Variants in PDE4D observed in about 807,000 individuals in gnomAD.
The protein encoded by PDE4D is phosphodiesterase 4D.
In PDE4D, 24 loss-of-function variants were observed where a neutral mutation model predicts 87.4. The ratio of observed to expected loss-of-function variants is 0.27; its 90% confidence interval spans 0.20 to 0.39. The LOEUF (loss-of-function observed/expected upper bound fraction) is 0.39, where lower values mean the gene tolerates loss of function less well. PDE4D is among the 10% of genes least tolerant of loss of function. PDE4D has a pLI of 1.00. For synonymous variants in PDE4D, 384 were observed against 383.2 expected, an observed-to-expected ratio of 1.00 and a Z score of -0.02; for missense variants, 714 against 1,041.0, an observed-to-expected ratio of 0.69 and a Z score of 4.32.
At chr5:59,128,252 C>T (rs1353855987) in intron 5 of PDE4D, among the ~76,000 whole-genome samples, 1 of 150,552 alleles carries the variant, frequency 6.6e-6, no homozygotes, top group East Asian at 1.9e-4. Context: ...CCCCAGATGG[C>T]AGCATGCACC....
intron 5 of PDE4D, among the ~76,000 whole-genome samples, chr5:59,047,800 A>C (rs945742563): frequency 2.0e-5 from 3 of 152,210 alleles, no homozygotes; most frequent in Admixed American, 2.0e-4. Context: ...AGGTCATGAG[A>C]ATGGAGCCCT....
chr5:60,163,942 G>T (rs551750253), intron 2 of PDE4D, among the ~76,000 whole-genome samples: 2 of 152,268 alleles, frequency 1.3e-5, no homozygotes, highest in East Asian at 3.9e-4. Context: ...TATTGGAGAG[G>T]AGAGCATTCT....
At chr5:59,605,145 C>A (rs1017004309) in intron 1 of PDE4D, among the ~76,000 whole-genome samples, 4 of 152,002 alleles carry the variant, frequency 2.6e-5, no homozygotes, top group Non-Finnish European at 5.9e-5. Flanking sequence ...TATTGGCTGA[C>A]AAAACATCAG....
intron 1 of PDE4D, among the ~76,000 whole-genome samples, chr5:59,298,379 G>C (rs1467432915): frequency 6.6e-6 from 1 of 152,094 alleles, no homozygotes; most frequent in Non-Finnish European, 1.5e-5. Context: ...GTCTCCCAAA[G>C]TGCTGGAATT....
chr5:59,315,490 G>A (rs1773530006), intron 1 of PDE4D, among the ~76,000 whole-genome samples: 1 of 152,108 alleles, frequency 6.6e-6, no homozygotes, highest in African/African-American at 2.4e-5. Flanking sequence ...AGGGTAGGTA[G>A]ATAGGTGGAT....
rs1745225999 is a variant in PDE4D at position 59,661,345 on chromosome 5, CAG to C, written c.455+231821_455+231822del. ...ACCTGCTCCAAGTTAAGGGGCGAGA[CAG>C]GGCACAGAATGAATACAGTGGGGGT... is the stretch of plus-strand genomic sequence containing the variant. On this transcript the variant is annotated intron_variant, in intron 1 of 14. Coordinates refer to ENST00000340635, the MANE Select transcript of PDE4D (RefSeq NM_001104631.2). 3.9e-5 allele frequency among the ~76,000 whole-genome samples: 6 copies of C among 152,108 alleles called. No homozygotes were observed. In the South Asian group the frequency reaches 1.2e-3, roughly 32 times the overall value.
chr5:60,257,146 T>C (rs1293123445), intron 1 of PDE4D, among the ~76,000 whole-genome samples: 1 of 149,336 alleles, frequency 6.7e-6, no homozygotes, highest in Non-Finnish European at 1.5e-5. Context: ...AAGATTTACT[T>C]CTGCATGTAA....
chr5:59,200,078 CACAT>C (rs1333691010), intron 2 of PDE4D, among the ~76,000 whole-genome samples: 2,799 of 150,236 alleles, frequency 0.019, 72 homozygotes, highest in African/African-American at 0.055. Context: ...CACGTATGCA[CACAT>C]ACATGTATGT....
intron 5 of PDE4D, among the ~76,000 whole-genome samples, chr5:59,167,215 C>A (rs558439068): frequency 6.6e-6 from 1 of 152,150 alleles, no homozygotes; most frequent in South Asian, 2.1e-4. Context: ...CAGCCAGCCA[C>A]GAAACCCCAA....
intron 1 of PDE4D, among the ~76,000 whole-genome samples, chr5:60,517,841 A>G (rs181195843): frequency 6.6e-6 from 1 of 152,356 alleles, no homozygotes; most frequent in African/African-American, 2.4e-5. Flanking sequence ...AAATGGTGGG[A>G]CTGAAAGAGC....
chr5:59,910,514 G>A (rs1201459334), intron 3 of PDE4D, among the ~76,000 whole-genome samples: 1 of 152,142 alleles, frequency 6.6e-6, no homozygotes, highest in African/African-American at 2.4e-5. Context: ...CAGACAAAAT[G>A]CAAGAAACAG....
chr5:60,018,202 A>C (rs1765711579), intron 2 of PDE4D, among the ~76,000 whole-genome samples: 1 of 152,148 alleles, frequency 6.6e-6, no homozygotes. Context: ...TCTTAAAAAA[A>C]AAAAAGAATT....
intron 2 of PDE4D, among the ~76,000 whole-genome samples, chr5:59,990,244 G>T (rs760166681): frequency 6.6e-6 from 1 of 152,132 alleles, no homozygotes; most frequent in Admixed American, 6.6e-5. Context: ...CGGAGTCATT[G>T]TGTGGACCAA....
intron 1 of PDE4D, among the ~76,000 whole-genome samples, chr5:59,808,178 C>T (rs1359775223): frequency 6.6e-6 from 1 of 152,202 alleles, no homozygotes; most frequent in East Asian, 1.9e-4. Context: ...TCCTGAGCCC[C>T]CATGGGCTTG....
chr5:59,038,778 C>T (rs1759031163), intron 6 of PDE4D, 81 bp downstream of exon 6: 2 of 1,279,874 alleles, frequency 1.6e-6, no homozygotes, highest in Non-Finnish European at 2.1e-6. Context: ...AATTTATTTC[C>T]CGGGGCTATG....
intron 1 of PDE4D, among the ~76,000 whole-genome samples, chr5:59,629,966 G>A (rs796476345): frequency 2.6e-5 from 4 of 152,210 alleles, no homozygotes; most frequent in African/African-American, 9.6e-5. Context: ...CTGATTCAAT[G>A]ACAATGAAAC....
chr5:59,872,121 C>T (rs192100792), intron 1 of PDE4D, among the ~76,000 whole-genome samples: 3 of 152,066 alleles, frequency 2.0e-5, no homozygotes, highest in Admixed American at 6.5e-5. Flanking sequence ...CTAAACTTGG[C>T]GACGATGGGA....
At chr5:60,430,833 A>C (rs558648341) in intron 1 of PDE4D, 11 of 246,770 alleles carry the variant, frequency 4.5e-5, no homozygotes, top group African/African-American at 2.4e-4. Flanking sequence ...GACACAGCAC[A>C]TGTTTCAGAG....
intron 1 of PDE4D, among the ~76,000 whole-genome samples, chr5:59,632,265 C>T (rs1162328195): frequency 6.6e-6 from 1 of 152,272 alleles, no homozygotes; most frequent in South Asian, 2.1e-4. Context: ...AGATAAAACT[C>T]CCATCTCCCT....
Sources: allele counts gnomAD v4.1 joint callset (sites outside exome capture counted in the v4.1 genomes callset), GRCh38; gene constraint gnomAD v4.1.1; transcripts MANE v1.5; gene names NCBI Gene and HGNC (gene_info 2026-07-23, HGNC 2026-07-21).